Variants in FBLN1 observed in about 807,000 individuals in gnomAD.
FBLN1 encodes fibulin 1, also known as fibulin-1.
A neutral mutation model predicts 89.7 loss-of-function variants in FBLN1; 34 were observed. That is an observed-to-expected ratio of 0.38 (90% CI 0.29 to 0.50). FBLN1 has a LOEUF of 0.50. FBLN1 is among the 20% of genes least tolerant of loss of function. The pLI is 0.92. For synonymous variants in FBLN1, 393 were observed against 391.3 expected (o/e 1.00, Z -0.05); for missense variants, 777 against 988.1 (o/e 0.79, Z 2.86).
intron 8 of FBLN1, among the ~76,000 whole-genome samples, chr22:45,538,076 C>T (rs948636281): frequency 6.6e-6 from 1 of 152,242 alleles, no homozygotes; most frequent in African/African-American, 2.4e-5. Flanking sequence ...GAGCCGTCCC[C>T]TTACTGTCCT....
intron 6 of FBLN1, 90 bp downstream of exon 6, chr22:45,533,254 A>G (rs2072779543): frequency 1.7e-6 from 2 of 1,200,214 alleles, no homozygotes; most frequent in African/African-American, 1.5e-5. Flanking sequence ...CCTGCCTTCT[A>G]CAACCCAGAC....
chr22:45,600,550 G>A lies in FBLN1; in HGVS notation c.*104G>A. 1 of 1,338,918 alleles carries A rather than the reference G, an allele frequency of 7.5e-7. No individual in the cohort carries two copies. Among genetic ancestry groups the A allele is most frequent in the Non-Finnish European group, 1.1e-6 (1 of 931,478 alleles). 82.9% of individuals were successfully genotyped at this position (1,338,918 alleles called of 1,614,324 possible). A position where few individuals can be genotyped will look rare whatever the true frequency, so the allele number is the denominator to read the frequency against. ...ATACCCTCAGACTTTTTTAATGTTA[G>A]GTATTTGTAGCATTAGGCCAACATG... On this transcript the variant is annotated 3_prime_UTR_variant, in exon 17 of 17. Transcript: ENST00000327858.
Position 45,600,606 on chromosome 22 carries a change from C to G in FBLN1, c.*160C>G. On this transcript the variant is annotated 3_prime_UTR_variant, in exon 17 of 17. Transcript: ENST00000327858. The stretch of plus-strand genomic sequence containing the variant: ...AGCTGAGCCAGATGAATAAGTCCAT[C>G]TGATGTATTTTCGGTGTTTAAAAAA... The G allele has an allele frequency of 1.2e-6, 1 of 842,332 alleles. No homozygotes were observed. Among genetic ancestry groups the G allele is most frequent in the Non-Finnish European group, 2.0e-6 (1 of 498,372 alleles). 52.2% of individuals were successfully genotyped at this position (842,332 alleles called of 1,614,324 possible).
At chr22:45,568,916 TC>T (rs1482155833) in intron 14 of FBLN1, among the ~76,000 whole-genome samples, 2 of 152,358 alleles carry the variant, frequency 1.3e-5, no homozygotes, top group Non-Finnish European at 2.9e-5. Flanking sequence ...TCATTGGTGT[TC>T]CTTGGCTCGC....
chr22:45,558,021 C>T lies in FBLN1; in HGVS notation c.1697+7406C>T, dbSNP rs188340553. 8.2e-4 allele frequency: 589 copies of T among 714,450 alleles called. 3 individuals are homozygous for T. The highest frequency in any genetic ancestry group is 1.9e-3 in the Admixed American group (94 of 49,954). The allele number at this position is 714,450 out of a possible 1,614,324, so 44.3% of individuals were successfully genotyped here. On this transcript the variant is annotated intron_variant, in intron 14 of 16. Transcript: ENST00000327858. ...CCACTTTCGGGTGGTGCCTGCATATCGTGCAGAATGATCTGTGAACCAGGC... is the reference window on the plus strand; with the variant it reads ...CCACTTTCGGGTGGTGCCTGCATATTGTGCAGAATGATCTGTGAACCAGGC...
Position 45,536,990 on chromosome 22 carries a change from C to G in FBLN1, c.922+1653C>G, listed in dbSNP as rs2088491024. Among the ~76,000 whole-genome samples, 1 of 152,192 alleles carries G rather than the reference C, an allele frequency of 6.6e-6. No individual in the cohort carries two copies. Among genetic ancestry groups the G allele is most frequent in the South Asian group, 2.1e-4 (1 of 4,830 alleles). On this transcript the variant is annotated intron_variant, in intron 8 of 16. Transcript: ENST00000327858. This position sits in a 1 kb window ranked among gnomAD's most constrained non-coding sequence, Gnocchi z 5.1. The stretch of plus-strand genomic sequence containing the variant: ...AGCCGTTGTCAGGTTAACTGCCTGG[C>G]TAGGCCGCTGCAGTCAGCGCTTAAG...
chr22:45,590,233 C>CA lies in FBLN1; in HGVS notation c.1973-10073dup, dbSNP rs2089124553. On this transcript the variant is annotated intron_variant, in intron 16 of 16. Transcript: ENST00000327858. This position sits in a 1 kb window ranked among gnomAD's most constrained non-coding sequence, Gnocchi z 4.1. ...CGCCAGGCCAGCCTCTCTTCCCCCC[C>CA]ATCCCTCCAGACCTTCATTGCATCT... is the stretch of plus-strand genomic sequence containing the variant. Among the ~76,000 whole-genome samples, 1 of 152,246 alleles carries CA rather than the reference C, an allele frequency of 6.6e-6. No homozygotes were observed. Among genetic ancestry groups the CA allele is most frequent in the Admixed American group, 6.5e-5 (1 of 15,286 alleles).
intron 14 of FBLN1, among the ~76,000 whole-genome samples, chr22:45,554,639 T>G (rs1407291936): frequency 6.6e-6 from 1 of 152,138 alleles, no homozygotes; most frequent in East Asian, 1.9e-4. Flanking sequence ...ACATGGAAAC[T>G]TAAAAAGCCA....
At position 45,536,160 on chromosome 22, in the gene FBLN1, C is replaced by A. The variant is rs1377822364; in HGVS notation, c.922+823C>A. ...CTGCACTCCAGTCTGGGCAACAGAG[C>A]AAGACCCTGTCTCAAAAATAAAATA... On this transcript the variant is annotated intron_variant, in intron 8 of 16. Transcript: ENST00000327858. The surrounding 1 kb of genome is among the most constrained non-coding windows in gnomAD (Gnocchi z 5.1). 1.3e-5 allele frequency among the ~76,000 whole-genome samples: 2 copies of A among 152,016 alleles called. No homozygotes were observed. The highest frequency in any genetic ancestry group is 4.2e-4 in the South Asian group (2 of 4,802).
intron 16 of FBLN1, among the ~76,000 whole-genome samples, chr22:45,582,419 GT>G (rs1198250255): frequency 6.6e-6 from 1 of 152,200 alleles, no homozygotes; most frequent in Non-Finnish European, 1.5e-5. Context: ...AAGTTCAGAT[GT>G]CACCATGCTG....
chr22:45,517,915 A>G (rs2088191392), intron 1 of FBLN1, among the ~76,000 whole-genome samples: 1 of 152,084 alleles, frequency 6.6e-6, no homozygotes. Flanking sequence ...CCAATCACGC[A>G]AGTTCAGGAG....
chr22:45,591,769 A>C (rs1418764918), intron 16 of FBLN1, among the ~76,000 whole-genome samples: 6 of 151,890 alleles, frequency 4.0e-5, no homozygotes, highest in African/African-American at 1.5e-4. Flanking sequence ...AGGGCAGTAC[A>C]GTCGGGAAGT....
Position 45,580,842 on chromosome 22 carries a change from G to A in FBLN1, c.1972+3734G>A, listed in dbSNP as rs142225370. ...ACTAAGAACCTGCAAGGGCCGGGTC[G>A]TCCTCTAATGTAGCCTTGAAAGACC... On this transcript the variant is annotated intron_variant, in intron 16 of 16. Transcript: ENST00000327858. This position sits in a 1 kb window ranked among gnomAD's most constrained non-coding sequence, Gnocchi z 8.6. Among the ~76,000 whole-genome samples the A allele has an allele frequency of 0.015, 2,265 of 152,296 alleles. 38 individuals are homozygous for A. The highest frequency in any genetic ancestry group is 0.069 in the South Asian group (334 of 4,826).
chr22:45,588,015 T>C lies in FBLN1; in HGVS notation c.1972+10907T>C, dbSNP rs112541939. On this transcript the variant is annotated intron_variant, in intron 16 of 16. Transcript: ENST00000327858. This position sits in a 1 kb window ranked among gnomAD's most constrained non-coding sequence, Gnocchi z 5.1. ...CTGCTCTGAGGAATGCAGCAGTGAC[T>C]AAGGCAGACATGAACGCCTCTCTCA... 6.6e-6 allele frequency among the ~76,000 whole-genome samples: 1 copy of C among 152,334 alleles called. No homozygotes were observed. Among genetic ancestry groups the C allele is most frequent in the Non-Finnish European group, 1.5e-5 (1 of 68,026 alleles).
intron 9 of FBLN1, 64 bp from the exon 10 acceptor site, chr22:45,542,091 T>C (rs1400833359): frequency 1.2e-6 from 2 of 1,612,082 alleles, no homozygotes; most frequent in Non-Finnish European, 1.7e-6. Context: ...TCCTTTCTGA[T>C]CATCTTGGGG....
intron 4 of FBLN1, among the ~76,000 whole-genome samples, chr22:45,529,333 G>T (rs146690769): frequency 6.6e-6 from 1 of 152,204 alleles, no homozygotes; most frequent in Non-Finnish European, 1.5e-5. Context: ...CTTCAAGAGC[G>T]CTCTCAGCTG....
At chr22:45,517,341 CT>C in intron 1 of FBLN1, 1 of 335,656 alleles carries the variant, frequency 3.0e-6, no homozygotes, top group South Asian at 2.2e-5. Flanking sequence ...CATTTGAGTC[CT>C]TTAGAATGAG....
In FBLN1 at chr22:45,549,067, T is replaced by C. The variant is rs747393001; in HGVS notation, c.1573+323T>C. Among the ~76,000 whole-genome samples the C allele has an allele frequency of 2.0e-5, 3 of 152,146 alleles. No homozygotes were observed. The highest frequency in any genetic ancestry group is 4.4e-5 in the Non-Finnish European group (3 of 68,014). Reference sequence around the variant, plus strand: ...GCTGGAACAGAGGCCTTTAGGAAGATGCCCGCCAGGGAGGAAGCAGTCCAG... The same window carrying C: ...GCTGGAACAGAGGCCTTTAGGAAGACGCCCGCCAGGGAGGAAGCAGTCCAG... On this transcript the variant is annotated intron_variant, in intron 13 of 16. Coordinates refer to ENST00000327858, the MANE Select transcript of FBLN1 (RefSeq NM_006486.3). The surrounding 1 kb of genome is among the most constrained non-coding windows in gnomAD (Gnocchi z 5.7).
At chr22:45,540,789 C>T (rs1009119071) in intron 8 of FBLN1, among the ~76,000 whole-genome samples, 3 of 152,232 alleles carry the variant, frequency 2.0e-5, no homozygotes, top group Non-Finnish European at 4.4e-5. Context: ...GGAGCCATGG[C>T]ACCTCCCGGG....
Sources: allele counts gnomAD v4.1 joint callset (sites outside exome capture counted in the v4.1 genomes callset), GRCh38; gene constraint gnomAD v4.1.1; non-coding constraint Gnocchi (gnomAD v3.1); transcripts MANE v1.5; gene names NCBI Gene and HGNC (gene_info 2026-07-23, HGNC 2026-07-21).